Variants in MYO16 observed in about 807,000 individuals in gnomAD.
MYO16 encodes the protein unconventional myosin-XVI.
MYO16 carries 94 observed loss-of-function variants against 205.3 expected under a neutral mutation model. The observed-to-expected ratio is 0.46, with a 90% CI of 0.39 to 0.54. The LOEUF is 0.54. Ranked by LOEUF, MYO16 falls within the 20% of genes least tolerant of loss-of-function variation. MYO16 has a pLI of 0.00. For missense variants in MYO16, 2,315 were observed against 2,387.5 expected, an observed-to-expected ratio of 0.97 and a Z score of 0.63; for synonymous variants, 988 against 954.0, an observed-to-expected ratio of 1.04 and a Z score of -0.66.
intron 2 of MYO16, among the ~76,000 whole-genome samples, chr13:108,675,930 G>T (rs762226793): frequency 2.8e-4 from 42 of 152,168 alleles, no homozygotes; most frequent in Non-Finnish European, 5.4e-4. Flanking sequence ...TGCAGATAAG[G>T]TTACGAGGTA....
chr13:108,788,442 G>C (rs909934017), intron 5 of MYO16, among the ~76,000 whole-genome samples: 3 of 152,136 alleles, frequency 2.0e-5, no homozygotes, highest in African/African-American at 7.2e-5. Context: ...GAGCCAGCAT[G>C]GAAAGAAAGC....
chr13:108,712,840 G>A, intron 3 of MYO16, 109 bp downstream of exon 3: 1 of 773,486 alleles, frequency 1.3e-6, no homozygotes, highest in Non-Finnish European at 2.0e-6. Context: ...TGATCAGAAA[G>A]ATGATGTGTT....
At chr13:108,630,988 T>C (rs943128969) in intron 1 of MYO16, among the ~76,000 whole-genome samples, 1 of 152,328 alleles carries the variant, frequency 6.6e-6, no homozygotes, top group South Asian at 2.1e-4. Flanking sequence ...GATTCACTGG[T>C]CATCTCGTAA....
At position 109,207,043 on chromosome 13, in the gene MYO16, G is replaced by A. The variant is rs1880630509; in HGVS notation, c.*207G>A. On this transcript the variant is annotated 3_prime_UTR_variant, in exon 35 of 35. Coordinates refer to ENST00000457511, the MANE Select transcript of MYO16 (RefSeq NM_001198950.3). ...GTGTGGGTTCTTTCTTATCCATCTC[G>A]TGGTGATACACTCTGATTTTCAAGC... The A allele has an allele frequency of 3.6e-6, 2 of 549,040 alleles. No individual in the cohort carries two copies. Among genetic ancestry groups the A allele is most frequent in the South Asian group, 2.2e-5 (1 of 45,070 alleles). 34.0% of individuals were successfully genotyped at this position (549,040 alleles called of 1,614,324 possible).
At chr13:108,598,954 G>A (rs1397859980) in intron 1 of MYO16, among the ~76,000 whole-genome samples, 17 of 148,254 alleles carry the variant, frequency 1.1e-4, no homozygotes, top group East Asian at 2.0e-4. Context: ...CCATTAACTC[G>A]TCATTTAGCA....
At chr13:108,543,665 A>G in the MYO16 span, among the ~76,000 whole-genome samples, 1 of 148,110 alleles carries the variant, frequency 6.8e-6, no homozygotes, top group Admixed American at 6.7e-5. Flanking sequence ...AAAAAAAAAG[A>G]AAAAAATCCC....
chr13:108,682,439 G>A (rs535971991), intron 2 of MYO16, among the ~76,000 whole-genome samples: 173 of 152,186 alleles, frequency 1.1e-3, no homozygotes, highest in Admixed American at 3.5e-3. Flanking sequence ...GACAATTCTC[G>A]GTGGTGCTTC....
intron 10 of MYO16, among the ~76,000 whole-genome samples, chr13:108,847,043 A>G (rs1877560155): frequency 6.6e-6 from 1 of 152,220 alleles, no homozygotes; most frequent in Non-Finnish European, 1.5e-5. Flanking sequence ...TAGGTCAACC[A>G]TTTCATCAAG....
chr13:108,745,402 G>A lies in MYO16; in HGVS notation c.507+17819G>A, dbSNP rs77512523. On this transcript the variant is annotated intron_variant, in intron 4 of 34. Transcript: ENST00000457511. ...TCACCAGGTTCCCACAAGGAAGATT[G>A]GAGAGAGGTCCTTTTATGTATAAAA... Among the ~76,000 whole-genome samples, 1,370 of 152,278 alleles carry A rather than the reference G, an allele frequency of 9.0e-3. 5 individuals are homozygous for A. The highest frequency in any genetic ancestry group is 0.014 in the Non-Finnish European group (925 of 68,020).
chr13:108,677,275 A>C (rs1414212789), intron 2 of MYO16, among the ~76,000 whole-genome samples: 2 of 150,636 alleles, frequency 1.3e-5, no homozygotes, highest in East Asian at 4.0e-4. Context: ...TATGAGTCAG[A>C]GTTCTCCAGA....
rs377049294 is a variant in MYO16, at chr13:108,948,021, G to A, written c.1926-9667G>A. Among the ~76,000 whole-genome samples the A allele has an allele frequency of 6.6e-5, 10 of 152,268 alleles. No individual in the cohort carries two copies. In the South Asian group the frequency reaches 1.9e-3, roughly 28 times the overall value. On this transcript the variant is annotated intron_variant, in intron 16 of 34. Transcript: ENST00000457511. ...CAGGTGGAGACTTGTGTATCTGAAC[G>A]CATGGTTAATAAAAAGTTGTACTCA...
intron 32 of MYO16, among the ~76,000 whole-genome samples, chr13:109,157,427 C>A (rs966827168): frequency 6.6e-6 from 1 of 152,060 alleles, no homozygotes; most frequent in Admixed American, 6.6e-5. Flanking sequence ...TCTGCCTCTG[C>A]GGCATTCCCT....
intron 16 of MYO16, among the ~76,000 whole-genome samples, chr13:108,912,639 C>T (rs1379453538): frequency 1.3e-5 from 2 of 152,024 alleles, no homozygotes; most frequent in African/African-American, 2.4e-5. Flanking sequence ...TGATTTTCTA[C>T]CTTGAACATC....
chr13:108,851,058 TAAG>T (rs922807112), intron 10 of MYO16, among the ~76,000 whole-genome samples: 5 of 152,216 alleles, frequency 3.3e-5, no homozygotes, highest in African/African-American at 1.2e-4. Context: ...ATCGTGACTG[TAAG>T]AAGGATCTTA....
At chr13:109,123,725 A>G (rs931226730) in intron 29 of MYO16, among the ~76,000 whole-genome samples, 1 of 152,174 alleles carries the variant, frequency 6.6e-6, no homozygotes, top group Admixed American at 6.5e-5. Flanking sequence ...TCAGATATCC[A>G]CATATTATTT....
chr13:108,610,303 A>G (rs532597514), intron 1 of MYO16, among the ~76,000 whole-genome samples: 1 of 152,248 alleles, frequency 6.6e-6, no homozygotes, highest in African/African-American at 2.4e-5. Flanking sequence ...CCTTTCCATG[A>G]AATTGATTAA....
chr13:109,174,212 CAAAGGAGGTTAAT>C, intron 33 of MYO16, among the ~76,000 whole-genome samples: 1 of 152,162 alleles, frequency 6.6e-6, no homozygotes, highest in Non-Finnish European at 1.5e-5. Context: ...GGGCAATTCC[CAAAGGAGGTTAAT>C]TCTATAAGCG....
At chr13:108,832,974 A>G (rs977041639) in intron 9 of MYO16, among the ~76,000 whole-genome samples, 8 of 152,182 alleles carry the variant, frequency 5.3e-5, no homozygotes, top group Non-Finnish European at 7.4e-5. Flanking sequence ...GTCATAGAAT[A>G]CAGGGACAGA....
chr13:108,936,934 A>G (rs990811989), intron 16 of MYO16, among the ~76,000 whole-genome samples: 1 of 152,108 alleles, frequency 6.6e-6, no homozygotes, highest in African/African-American at 2.4e-5. Context: ...TTCTTGCTTT[A>G]TAGTGTCTGT....
Sources: gnomAD v4.1 joint callset for allele counts (sites outside exome capture counted in the v4.1 genomes callset) on GRCh38, gnomAD v4.1.1 for gene constraint, MANE v1.5 for transcripts, NCBI Gene and HGNC (gene_info 2026-07-23, HGNC 2026-07-21) for gene names.